SEC61A2: variants seen among roughly 807,000 people sequenced by gnomAD.
SEC61A2 encodes protein transport protein Sec61 subunit alpha isoform 2.
Under a neutral mutation model 59.9 loss-of-function variants are expected in SEC61A2, and 28 were observed. The observed-to-expected ratio is 0.47, with a 90% CI of 0.35 to 0.64. The LOEUF (loss-of-function observed/expected upper bound fraction) is 0.64, where lower values mean the gene tolerates loss of function less well. Among genes scored for constraint, SEC61A2 ranks in the 30% least tolerant of loss-of-function variants. The pLI is 0.01. For missense variants in SEC61A2, 340 were observed against 585.9 expected (o/e 0.58, Z 4.33); for synonymous variants, 202 against 214.4 (o/e 0.94, Z 0.50).
chr10:12,138,128 A>G (rs1773402752), intron 3 of SEC61A2, among the ~76,000 whole-genome samples: 1 of 152,208 alleles, frequency 6.6e-6, no homozygotes, highest in Non-Finnish European at 1.5e-5. Flanking sequence ...TATATTAGGA[A>G]GCAGTAGAAC....
chr10:12,151,025 T>C (rs561394491), intron 6 of SEC61A2, among the ~76,000 whole-genome samples: 1 of 151,696 alleles, frequency 6.6e-6, no homozygotes, highest in Non-Finnish European at 1.5e-5. Flanking sequence ...TTCGCCCGCC[T>C]CGGCCTCCCA....
chr10:12,136,065 C>G, intron 2 of SEC61A2, 40 bp from the exon 3 acceptor site: 2 of 1,443,986 alleles, frequency 1.4e-6, no homozygotes, highest in Non-Finnish European at 1.9e-6. Flanking sequence ...TTTGCTGTTT[C>G]TTGGTTTTGA....
At chr10:12,138,992 C>T (rs751549769) in intron 3 of SEC61A2, among the ~76,000 whole-genome samples, 12 of 152,022 alleles carry the variant, frequency 7.9e-5, no homozygotes, top group East Asian at 1.9e-4. Context: ...GACGTAGTCT[C>T]GCTCTGTTGC....
At chr10:12,169,183 C>A, downstream of SEC61A2, 1 of 925,690 alleles carries the variant, frequency 1.1e-6, no homozygotes, top group South Asian at 1.7e-5. The surrounding 1 kb of genome is among the most constrained non-coding windows in gnomAD (Gnocchi z 4.8). Context: ...TTCTTTTACC[C>A]CTCCTCCTTT....
Position 12,145,303 on chromosome 10 carries a change from G to A in SEC61A2, c.220+2108G>A, listed in dbSNP as rs934803831. Among the ~76,000 whole-genome samples, 6 of 152,110 alleles carry A rather than the reference G, an allele frequency of 3.9e-5. No homozygotes were observed. The highest frequency in any genetic ancestry group is 1.9e-4 in the East Asian group (1 of 5,200). On this transcript the variant is annotated intron_variant, in intron 4 of 11. Transcript: ENST00000298428. The surrounding 1 kb of genome is among the most constrained non-coding windows in gnomAD (Gnocchi z 4.4). ...ATGCTACAATGAAGGCTATCACACC[G>A]TTCTGTAACTTTTTGATAGAATGAA... is the stretch of plus-strand genomic sequence containing the variant.
downstream of SEC61A2, chr10:12,167,904 A>G: frequency 1.9e-6 from 3 of 1,555,580 alleles, no homozygotes; most frequent in South Asian, 2.4e-5. Context: ...GTACTACTAT[A>G]TGTCACTTCC....
rs1277824499 is a variant in SEC61A2 at position 12,152,195 on chromosome 10, C to T, written c.462+2234C>T. On this transcript the variant is annotated intron_variant, in intron 6 of 11. Transcript: ENST00000298428. This position sits in a 1 kb window ranked among gnomAD's most constrained non-coding sequence, Gnocchi z 5.5. ...GCCTCCCAGGTTCAAGCAATTCTGC[C>T]TCAGCCTCCCCGGTAGCTGGAATTA... Among the ~76,000 whole-genome samples, 3 of 152,016 alleles carry T rather than the reference C, an allele frequency of 2.0e-5. No homozygotes were observed. Among genetic ancestry groups the T allele is most frequent in the African/African-American group, 4.8e-5 (2 of 41,390 alleles).
chr10:12,146,760 C>T (rs867465631), intron 4 of SEC61A2, among the ~76,000 whole-genome samples: 5 of 152,160 alleles, frequency 3.3e-5, no homozygotes, highest in African/African-American at 4.8e-5. Flanking sequence ...CCTTGTGATC[C>T]GCCCGCCTCA....
chr10:12,149,742 A>G lies in SEC61A2; in HGVS notation c.352+16A>G, dbSNP rs181229581. The G allele has an allele frequency of 1.3e-3, 2,078 of 1,606,924 alleles. 18 individuals are homozygous for G. The highest frequency in any genetic ancestry group is 0.012 in the African/African-American group (877 of 74,608). Reference sequence around the variant, plus strand: ...GCCCAGAAACGTGAGCATTAATGCAATTAAAGAGCATTCTCCAAATTTGAG... The same window carrying G: ...GCCCAGAAACGTGAGCATTAATGCAGTTAAAGAGCATTCTCCAAATTTGAG... On this transcript the variant is annotated intron_variant, in intron 5 of 11. Transcript: ENST00000298428. This position sits in a 1 kb window ranked among gnomAD's most constrained non-coding sequence, Gnocchi z 5.2.
chr10:12,133,651 T>C (rs1247793188), intron 2 of SEC61A2, among the ~76,000 whole-genome samples: 1 of 152,242 alleles, frequency 6.6e-6, no homozygotes, highest in African/African-American at 2.4e-5. Flanking sequence ...GCTAATGATG[T>C]CACCTACTGG....
At position 12,155,555 on chromosome 10, in the gene SEC61A2, G is replaced by A. The variant is rs1834377726; in HGVS notation, c.463-223G>A. Among the ~76,000 whole-genome samples the A allele has an allele frequency of 6.6e-6, 1 of 152,142 alleles. No homozygotes were observed. The highest frequency in any genetic ancestry group is 6.6e-5 in the Admixed American group (1 of 15,264). ...GTAAATAGACTTTAAAAGTTGAAAT[G>A]TCTGCTTTATAATACAACAGTATTT... On this transcript the variant is annotated intron_variant, in intron 6 of 11. Transcript: ENST00000298428. The surrounding 1 kb of genome is among the most constrained non-coding windows in gnomAD (Gnocchi z 4.3).
rs961240442 is a variant in SEC61A2, at chr10:12,142,787, A to AT, written c.142-322dup. On this transcript the variant is annotated intron_variant, in intron 3 of 11. Transcript: ENST00000298428. The surrounding 1 kb of genome is among the most constrained non-coding windows in gnomAD (Gnocchi z 5.4). ...TTTTCACTTTCTGGTTCTTTTAATT[A>AT]TTTTTTTTATTAACCCTTATCTATG... 7.3e-5 allele frequency among the ~76,000 whole-genome samples: 11 copies of AT among 151,488 alleles called. No individual in the cohort carries two copies. Among genetic ancestry groups the AT allele is most frequent in the East Asian group, 5.8e-4 (3 of 5,156 alleles).
chr10:12,168,820 T>C (rs1473307627), downstream of SEC61A2, among the ~76,000 whole-genome samples: 1 of 152,130 alleles, frequency 6.6e-6, no homozygotes, highest in East Asian at 1.9e-4. The surrounding 1 kb of genome is among the most constrained non-coding windows in gnomAD (Gnocchi z 4.8). Context: ...TGCAGTGCAG[T>C]GCCACGATCT....
chr10:12,155,653 T>G lies in SEC61A2; in HGVS notation c.463-125T>G. 1.3e-4 allele frequency: 141 copies of G among 1,100,940 alleles called. No homozygotes were observed. Among genetic ancestry groups the G allele is most frequent in the Middle Eastern group, 2.0e-4 (1 of 4,890 alleles). The allele number at this position is 1,100,940 out of a possible 1,614,324, so 68.2% of individuals were successfully genotyped here. A position where few individuals can be genotyped will look rare whatever the true frequency, so the allele number is the denominator to read the frequency against. ...CAAAAGATGCAGTTGGTCATCACAG[T>G]GAGATTGCAACGATCAGGCCTTAAT... is the stretch of plus-strand genomic sequence containing the variant. On this transcript the variant is annotated intron_variant, in intron 6 of 11. Transcript: ENST00000298428. The surrounding 1 kb of genome is among the most constrained non-coding windows in gnomAD (Gnocchi z 4.3).
chr10:12,146,452 G>A (rs1834139506), intron 4 of SEC61A2, among the ~76,000 whole-genome samples: 3 of 152,296 alleles, frequency 2.0e-5, no homozygotes, highest in African/African-American at 7.2e-5. Context: ...TCCTGAGAAA[G>A]CTTCAGCAGG....
downstream of SEC61A2, chr10:12,167,621 T>C (rs538783157): frequency 8.8e-5 from 120 of 1,358,276 alleles, 1 homozygote; most frequent in South Asian, 1.4e-3. Flanking sequence ...CAAATCTACA[T>C]TAAACTAAGT....
chr10:12,150,122 A>C (rs981003893), intron 6 of SEC61A2, among the ~76,000 whole-genome samples, 161 bp downstream of exon 6: 9 of 152,216 alleles, frequency 5.9e-5, no homozygotes, highest in Non-Finnish European at 1.2e-4. Flanking sequence ...AATTTTTTTA[A>C]AACCTTCTGT....
intron 4 of SEC61A2, among the ~76,000 whole-genome samples, chr10:12,148,239 ATTTTTTTTTT>A (rs66965878): frequency 1.0e-5 from 1 of 97,406 alleles, no homozygotes; most frequent in African/African-American, 4.0e-5. Context: ...ATGCCCGGCC[ATTTTTTTTTT>A]TTTTTTTTTT....
In SEC61A2 at chr10:12,160,030, CTAATA is replaced by C. The variant is rs1379894572; in HGVS notation, c.976-898_976-894del. ...TGTGATGATCTCTGTTGTATTCTGG[CTAATA>C]TTATATCGAGGACAGGAAAGTCAAG... On this transcript the variant is annotated intron_variant, in intron 9 of 11. Transcript: ENST00000298428. The surrounding 1 kb of genome is among the most constrained non-coding windows in gnomAD (Gnocchi z 4.1). Among the ~76,000 whole-genome samples the C allele has an allele frequency of 6.6e-6, 1 of 151,972 alleles. No individual in the cohort carries two copies. The highest frequency in any genetic ancestry group is 2.4e-5 in the African/African-American group (1 of 41,346).
Sources: gnomAD v4.1 joint callset for allele counts (sites outside exome capture counted in the v4.1 genomes callset) on GRCh38, gnomAD v4.1.1 for gene constraint, Gnocchi (gnomAD v3.1) non-coding constraint, MANE v1.5 for transcripts, NCBI Gene and HGNC (gene_info 2026-07-23, HGNC 2026-07-21) for gene names.